Variants in ARSF observed in about 807,000 individuals in gnomAD.
ARSF encodes arylsulfatase F.
ARSF carries 33 observed loss-of-function variants against 35.4 expected under a neutral mutation model. The observed-to-expected ratio is 0.93, with a 90% CI of 0.71 to 1.25. ARSF has a LOEUF of 1.25. ARSF is among the 50% of genes most tolerant of loss of function. The probability of loss-of-function intolerance (pLI) is 0.00; values close to 1 mark genes in which losing one functional copy is unlikely to be tolerated. For missense variants in ARSF, 501 were observed against 480.2 expected (o/e 1.04, Z -0.40); for synonymous variants, 222 against 193.1 (o/e 1.15, Z -1.24).
chrX:3,078,348 C>G (rs1036156467), intron 4 of ARSF, among the ~76,000 whole-genome samples: 3 of 109,972 alleles, frequency 2.7e-5, no homozygotes, highest in East Asian at 2.9e-4. Flanking sequence ...CACCACTATG[C>G]CTGGCTAATT....
At chrX:3,110,913 C>CA (rs2090440753) in intron 10 of ARSF, among the ~76,000 whole-genome samples, 2 of 111,668 alleles carry the variant, frequency 1.8e-5, no homozygotes, top group Middle Eastern at 4.6e-3. Context: ...AAAACAAAAC[C>CA]AAAAAATATA....
At chrX:3,109,085 C>A (rs1010408865) in intron 9 of ARSF, among the ~76,000 whole-genome samples, 1 of 111,381 alleles carries the variant, frequency 9.0e-6, no homozygotes. Context: ...TTTGAGAGGC[C>A]GAGGTGGGTG....
At chrX:3,087,452 T>C (rs1171864807) in intron 6 of ARSF, among the ~76,000 whole-genome samples, 1 of 110,755 alleles carries the variant, frequency 9.0e-6, no homozygotes, top group East Asian at 2.8e-4. Flanking sequence ...CCTTCCCCTC[T>C]GTGTTTGTGT....
chrX:3,111,241 A>G (rs976842255), intron 10 of ARSF, among the ~76,000 whole-genome samples: 3 of 111,550 alleles, frequency 2.7e-5, no homozygotes, highest in Admixed American at 9.6e-5. Flanking sequence ...ATTTATAAAA[A>G]TCAATTCTAG....
chrX:3,063,480 A>G (rs926863845), intron 1 of ARSF, among the ~76,000 whole-genome samples: 2 of 111,682 alleles, frequency 1.8e-5, no homozygotes, highest in African/African-American at 6.5e-5. Flanking sequence ...GAAAGAAAGA[A>G]AGGGTTTTCA....
chrX:3,073,643 TATATATAATTATAA>T (rs1369249109), intron 3 of ARSF, among the ~76,000 whole-genome samples: 7 of 93,518 alleles, frequency 7.5e-5, no homozygotes, highest in African/African-American at 2.6e-4. Context: ...TAAATAAAAT[TATATATAATTATAA>T]ATATATAATT....
At chrX:3,073,026 G>A (rs2090116826) in intron 3 of ARSF, among the ~76,000 whole-genome samples, 1 of 96,487 alleles carries the variant, frequency 1.0e-5, no homozygotes, top group African/African-American at 3.8e-5. Context: ...TTATATAAAT[G>A]TATTTTTAAA....
At chrX:3,078,088 G>A (rs2090167596) in intron 4 of ARSF, among the ~76,000 whole-genome samples, 1 of 109,920 alleles carries the variant, frequency 9.1e-6, no homozygotes, top group African/African-American at 3.3e-5. Flanking sequence ...ATAGGTGTGA[G>A]CCACCGCACC....
chrX:3,084,207 A>G, intron 5 of ARSF, 36 bp from the exon 6 acceptor site: 1 of 1,194,926 alleles, frequency 8.4e-7, no homozygotes, highest in Non-Finnish European at 1.1e-6. Context: ...ATGTTGACAT[A>G]TTGATGCGTA....
chrX:3,050,966 A>G (rs907198989), intron 1 of ARSF, among the ~76,000 whole-genome samples: 8 of 111,262 alleles, frequency 7.2e-5, no homozygotes, highest in Non-Finnish European at 1.5e-4. Flanking sequence ...GGTGTTTTCT[A>G]TTTACTGGGA....
intron 4 of ARSF, among the ~76,000 whole-genome samples, chrX:3,078,637 T>A (rs1279020665): frequency 9.0e-6 from 1 of 110,668 alleles, no homozygotes; most frequent in African/African-American, 3.3e-5. Flanking sequence ...GTAGCTGAGA[T>A]TACAGGTACC....
At chrX:3,067,401 G>C (rs1433705027) in intron 1 of ARSF, among the ~76,000 whole-genome samples, 3 of 110,930 alleles carry the variant, frequency 2.7e-5, no homozygotes, top group Non-Finnish European at 5.7e-5. Context: ...GTCATTCAGT[G>C]GTTTCTGCAT....
chrX:3,101,295 G>A, intron 8 of ARSF, 74 bp downstream of exon 8: 12 of 1,084,513 alleles, frequency 1.1e-5, no homozygotes, highest in Non-Finnish European at 1.5e-5. Context: ...TAAAGCCCAT[G>A]ACACAAAGGA....
intron 1 of ARSF, among the ~76,000 whole-genome samples, chrX:3,062,020 C>T (rs1170871351): frequency 8.9e-6 from 1 of 111,804 alleles, no homozygotes; most frequent in Non-Finnish European, 1.9e-5. Flanking sequence ...CACCACATCA[C>T]ACTTATTCAA....
chrX:3,059,305 A>T (rs2090032068), intron 1 of ARSF, among the ~76,000 whole-genome samples: 1 of 111,606 alleles, frequency 9.0e-6, no homozygotes, highest in South Asian at 3.8e-4. Flanking sequence ...TCTACTAAAA[A>T]TACAAAAATT....
intron 7 of ARSF, among the ~76,000 whole-genome samples, chrX:3,093,310 T>C (rs2090314189): frequency 8.9e-6 from 1 of 112,114 alleles, no homozygotes; most frequent in Non-Finnish European, 1.9e-5. Flanking sequence ...GTTTGTTACC[T>C]GGGTATATTG....
intron 2 of ARSF, among the ~76,000 whole-genome samples, chrX:3,069,240 C>A (rs2147491546): frequency 8.9e-6 from 1 of 111,849 alleles, no homozygotes; most frequent in East Asian, 2.8e-4. Flanking sequence ...CCAACTTCCA[C>A]TTTTCCTTTA....
At chrX:3,103,466 G>A (rs1476894226) in intron 8 of ARSF, among the ~76,000 whole-genome samples, 1 of 110,965 alleles carries the variant, frequency 9.0e-6, no homozygotes, top group Non-Finnish European at 1.9e-5. Context: ...AGGGAGGTTG[G>A]AAATGAAGTA....
intron 5 of ARSF, among the ~76,000 whole-genome samples, chrX:3,082,072 A>C (rs1169264238): frequency 9.0e-6 from 1 of 111,493 alleles, no homozygotes; most frequent in Non-Finnish European, 1.9e-5. Context: ...GGCCCTCACC[A>C]CATACAGGAA....
Sources: allele counts gnomAD v4.1 joint callset (sites outside exome capture counted in the v4.1 genomes callset), GRCh38; gene constraint gnomAD v4.1.1; transcripts MANE v1.5; gene names NCBI Gene and HGNC (gene_info 2026-07-23, HGNC 2026-07-21).